PNPLA8: variants seen among roughly 807,000 people sequenced by gnomAD.
The protein encoded by PNPLA8 is calcium-independent phospholipase A2-gamma.
PNPLA8 carries 39 observed loss-of-function variants against 76.9 expected under a neutral mutation model. That is an observed-to-expected ratio of 0.51 (90% CI 0.39 to 0.66). The LOEUF is 0.66. PNPLA8 is among the 30% of genes least tolerant of loss of function. The pLI is 0.00. For synonymous variants in PNPLA8, 301 were observed against 307.9 expected (o/e 0.98, Z 0.24); for missense variants, 887 against 918.0 (o/e 0.97, Z 0.44).
intron 4 of PNPLA8, among the ~76,000 whole-genome samples, chr7:108,505,342 ATATATATATATTTTTTTTTT>A (rs1563968153): frequency 1.8e-3 from 10 of 5,504 alleles, no homozygotes; most frequent in Admixed American, 4.6e-3. Context: ...ATATATATAT[ATATATATATATTTTTTTTTT>A]TTTTTTTTTT....
upstream of PNPLA8, among the ~76,000 whole-genome samples, chr7:108,527,186 C>T (rs1478606814): frequency 6.6e-6 from 1 of 152,170 alleles, no homozygotes; most frequent in African/African-American, 2.4e-5. Context: ...ATGCTTTAGC[C>T]CCCTGTAAGG....
chr7:108,505,524 A>ATAATTTTT (rs1862356301), intron 4 of PNPLA8, among the ~76,000 whole-genome samples: 1 of 150,664 alleles, frequency 6.6e-6, no homozygotes, highest in Non-Finnish European at 1.5e-5. Context: ...CACCAAGCCC[A>ATAATTTTT]GCTAATTTTT....
In PNPLA8 at chr7:108,514,557, T is replaced by A. The variant is rs745312087; in HGVS notation, c.935A>T (p.Lys312Ile). 4.3e-6 allele frequency: 7 copies of A among 1,614,068 alleles called. No homozygotes were observed. The highest frequency in any genetic ancestry group is 5.9e-6 in the Non-Finnish European group (7 of 1,179,936). The stretch of plus-strand genomic sequence containing the variant: ...CTGACTCTTTGAATCATACTTTAAT[T>A]TGGGGACAAGTCCACCAATATAACC... ...VGGYIGGLVP[K>I]LKYDSKSQSE... The change falls in exon 3 of 11, where the codon AAA becomes ATA. Residue 312 changes from lysine (K) to isoleucine (I), a missense_variant. Transcript: ENST00000257694.
Position 108,476,664 on chromosome 7 carries a change from T to G in PNPLA8, c.2074+2520A>C, listed in dbSNP as rs1860015995. On this transcript the variant is annotated intron_variant, in intron 10 of 10. Transcript: ENST00000257694. ...ATGTCCGAAGGAAATGAAATTGTTA[T>G]TTTGAAGGGATTGCTGCTCACCCAT... Among the ~76,000 whole-genome samples the G allele has an allele frequency of 2.6e-5, 4 of 152,184 alleles. No individual in the cohort carries two copies. The South Asian group carries it at 8.3e-4, about 31-fold the overall frequency.
chr7:108,478,809 T>C (rs971524670), intron 10 of PNPLA8, among the ~76,000 whole-genome samples: 1 of 152,328 alleles, frequency 6.6e-6, no homozygotes, highest in Non-Finnish European at 1.5e-5. Context: ...TATTAAATAA[T>C]TGAATGTCCT....
At chr7:108,479,768 TAAAACCAAATA>T (rs1338379984) in intron 9 of PNPLA8, among the ~76,000 whole-genome samples, 7 of 152,216 alleles carry the variant, frequency 4.6e-5, no homozygotes, top group Non-Finnish European at 8.8e-5. Context: ...ACAAGTCAAA[TAAAACCAAATA>T]ATTCTAAGTT....
chr7:108,475,819 G>A (rs1859949507), intron 10 of PNPLA8, among the ~76,000 whole-genome samples: 1 of 152,084 alleles, frequency 6.6e-6, no homozygotes, highest in Non-Finnish European at 1.5e-5. Context: ...TTCAGAGATC[G>A]CTGTCCTATG....
At chr7:108,508,502 AC>A (rs1862627040) in intron 4 of PNPLA8, among the ~76,000 whole-genome samples, 1 of 33,648 alleles carries the variant, frequency 3.0e-5, no homozygotes, top group African/African-American at 1.2e-4. Context: ...AGAACTACAA[AC>A]CACTGCTCAA....
chr7:108,526,832 A>G (rs182361382), upstream of PNPLA8, among the ~76,000 whole-genome samples: 1 of 152,224 alleles, frequency 6.6e-6, no homozygotes, highest in Non-Finnish European at 1.5e-5. Flanking sequence ...AATCCAGCCC[A>G]CCGCAGGTTC....
intron 9 of PNPLA8, among the ~76,000 whole-genome samples, chr7:108,486,177 A>G (rs1390192435): frequency 6.6e-6 from 1 of 152,124 alleles, no homozygotes; most frequent in Non-Finnish European, 1.5e-5. Context: ...AGCAAATGAA[A>G]TAACTTCTTT....
At chr7:108,520,945 G>A (rs1863691394) in intron 2 of PNPLA8, among the ~76,000 whole-genome samples, 1 of 151,850 alleles carries the variant, frequency 6.6e-6, no homozygotes, top group Admixed American at 6.6e-5. Context: ...CATGCTCAAA[G>A]TCAACAGTAA....
chr7:108,472,851 A>G (rs1286970722), intron 10 of PNPLA8, among the ~76,000 whole-genome samples, 176 bp from the exon 11 acceptor site: 1 of 152,228 alleles, frequency 6.6e-6, no homozygotes, highest in Admixed American at 6.5e-5. Context: ...GGGTAAAACT[A>G]TAAGATAAAA....
chr7:108,517,513 G>A (rs4605997), intron 2 of PNPLA8, among the ~76,000 whole-genome samples: 1 of 152,208 alleles, frequency 6.6e-6, no homozygotes, highest in Non-Finnish European at 1.5e-5. Context: ...ATGTATTTTA[G>A]TAAGTGAATG....
rs560783454 is a variant in PNPLA8 at position 108,515,239 on chromosome 7, T to C, written c.253A>G (p.Lys85Glu). ...CCCTTGGGAGCAGAAGTGCTAAGTT[T>C]CAAAATCCCAATATGTAAACCATGG... ...SNHGLHIGIL[K>E]LSTSAPKGLT... is the part of the protein sequence containing the mutation. The change falls in exon 3 of 11, where the codon AAA becomes GAA. Residue 85 changes from lysine to glutamate, a missense_variant. Coordinates refer to ENST00000257694, the MANE Select transcript of PNPLA8 (RefSeq NM_001256007.3). 1 of 1,602,054 alleles carries C rather than the reference T, an allele frequency of 6.2e-7. No homozygotes were observed. The highest frequency in any genetic ancestry group is 1.7e-5 in the Admixed American group (1 of 58,208).
At chr7:108,504,624 C>T (rs1308054189) in intron 4 of PNPLA8, among the ~76,000 whole-genome samples, 3 of 152,160 alleles carry the variant, frequency 2.0e-5, no homozygotes, top group African/African-American at 7.2e-5. Context: ...TAAGGTGATT[C>T]TAAAATTCAT....
chr7:108,491,398 C>A lies in PNPLA8; in HGVS notation c.1683+12G>T. On this transcript the variant is annotated intron_variant, in intron 8 of 10. Coordinates refer to ENST00000257694, the MANE Select transcript of PNPLA8 (RefSeq NM_001256007.3). ...GGAACTAGGTGTTATATTTAAGAGA[C>A]TCTAAGCTTACCTTAGGACATGTGG... 1 of 1,562,080 alleles carries A rather than the reference C, an allele frequency of 6.4e-7. No homozygotes were observed. The highest frequency in any genetic ancestry group is 8.8e-7 in the Non-Finnish European group (1 of 1,132,494).
chr7:108,472,328 C>A lies in PNPLA8; in HGVS notation c.*73G>T. 1 of 1,074,724 alleles carries A rather than the reference C, an allele frequency of 9.3e-7. No individual in the cohort carries two copies. The highest frequency in any genetic ancestry group is 1.3e-6 in the Non-Finnish European group (1 of 746,566). The allele number at this position is 1,074,724 out of a possible 1,614,324, so 66.6% of individuals were successfully genotyped here. A position where few individuals can be genotyped will look rare whatever the true frequency, so the allele number is the denominator to read the frequency against. ...ATTTCAAAGTTAACTCATGTCGAAC[C>A]CCACAATTCCTTATTGAATGTGGTT... On this transcript the variant is annotated 3_prime_UTR_variant, in exon 11 of 11. Coordinates refer to ENST00000257694, the MANE Select transcript of PNPLA8 (RefSeq NM_001256007.3).
chr7:108,514,967 AC>A lies in PNPLA8; in HGVS notation c.524del (p.Ser175IlefsTer4), dbSNP rs1444737333. 1.2e-6 allele frequency: 2 copies of A among 1,609,392 alleles called. No individual in the cohort carries two copies. The highest frequency in any genetic ancestry group is 2.7e-5 in the African/African-American group (2 of 74,808). On this transcript the variant is annotated frameshift_variant, in exon 3 of 11. Transcript: ENST00000257694. LOFTEE classifies it high-confidence loss of function. ...TATCTTCTTCTTTGTCTATAATGTG[AC>A]TTTTCTCTTCTGGAAAAGGACTCTT... ...AEKSPFPEEK[S>X]HIIDKEEDIG...
chr7:108,500,888 C>T (rs931463934), intron 5 of PNPLA8, among the ~76,000 whole-genome samples: 9 of 151,528 alleles, frequency 5.9e-5, no homozygotes, highest in Non-Finnish European at 8.8e-5. Flanking sequence ...CACTCCAGCC[C>T]GGACAACCAG....
Sources: allele counts gnomAD v4.1 joint callset (sites outside exome capture counted in the v4.1 genomes callset), GRCh38; gene constraint gnomAD v4.1.1; transcripts MANE v1.5; gene names NCBI Gene and HGNC (gene_info 2026-07-23, HGNC 2026-07-21).